The following PTPRD variants were observed in gnomAD, a reference collection of about 807,000 sequenced individuals.
PTPRD encodes the protein receptor-type tyrosine-protein phosphatase delta.
A neutral mutation model predicts 214.5 loss-of-function variants in PTPRD; 34 were observed. The ratio of observed to expected loss-of-function variants is 0.16; its 90% CI spans 0.12 to 0.21. PTPRD has a LOEUF of 0.21. PTPRD is among the 10% of genes least tolerant of loss of function. The pLI is 1.00. For missense variants in PTPRD, 2,545 were observed against 2,398.7 expected, an observed-to-expected ratio of 1.06 and a Z score of -1.27; for synonymous variants, 1,128 against 845.7, an observed-to-expected ratio of 1.33 and a Z score of -5.79.
At chr9:9,767,609 A>G (rs1254653157) in intron 5 of PTPRD, among the ~76,000 whole-genome samples, 1 of 152,088 alleles carries the variant, frequency 6.6e-6, no homozygotes, top group Non-Finnish European at 1.5e-5. Flanking sequence ...TAATTATAAG[A>G]ATTTCAATTA....
At chr9:8,757,108 C>T (rs1181079747) in intron 11 of PTPRD, among the ~76,000 whole-genome samples, 1 of 152,176 alleles carries the variant, frequency 6.6e-6, no homozygotes, top group Admixed American at 6.5e-5. Flanking sequence ...TGCCAGTGCA[C>T]TCCAGCGTGG....
At chr9:8,581,942 A>G (rs1357746715) in intron 14 of PTPRD, among the ~76,000 whole-genome samples, 27 of 147,204 alleles carry the variant, frequency 1.8e-4, no homozygotes, top group African/African-American at 5.8e-4. Flanking sequence ...AAAAAAAAAA[A>G]GAGGGAAAAA....
intron 8 of PTPRD, among the ~76,000 whole-genome samples, chr9:9,490,741 G>T (rs150490248): frequency 5.7e-4 from 86 of 151,750 alleles, no homozygotes; most frequent in Middle Eastern, 3.4e-3. Context: ...AAGTAAATGA[G>T]AAAAGAACTT....
chr9:8,832,775 G>T (rs1042410286), intron 11 of PTPRD, among the ~76,000 whole-genome samples: 14 of 146,112 alleles, frequency 9.6e-5, no homozygotes, highest in Non-Finnish European at 1.8e-4. Flanking sequence ...CTAAATTGGA[G>T]TTCTCTCTCT....
At chr9:10,274,491 G>A (rs923262540) in intron 3 of PTPRD, among the ~76,000 whole-genome samples, 4 of 152,134 alleles carry the variant, frequency 2.6e-5, no homozygotes, top group African/African-American at 9.7e-5. Flanking sequence ...TTTGGTTTGC[G>A]CTAGTATGAT....
rs1555347109 is a variant in PTPRD at position 10,438,008 on chromosome 9, C to CATATATATTATATATATATATATATATAT, written c.-599-96992_-599-96991insATATATATATATATATATATAATATATAT. Among the ~76,000 whole-genome samples, 9 of 125,136 alleles carry CATATATATTATATATATATATATATATAT rather than the reference C, an allele frequency of 7.2e-5. 1 individual carries two copies. The highest frequency in any genetic ancestry group is 3.5e-4 in the African/African-American group (9 of 25,940). The allele number at this position is 125,136 out of a possible 152,430, so 82.1% of individuals were successfully genotyped here. ...CTGGACTATCAGCTCCCTAAGTCTA[C>CATATATATTATATATATATATATATATAT]ATATATATATATATATATATAGTGA... On this transcript the variant is annotated intron_variant, in intron 2 of 45. Transcript: ENST00000381196.
chr9:9,060,870 T>G (rs1456181655), intron 10 of PTPRD, among the ~76,000 whole-genome samples: 1 of 152,150 alleles, frequency 6.6e-6, no homozygotes, highest in Non-Finnish European at 1.5e-5. Flanking sequence ...ACAAAACAAA[T>G]TTTTCAGAAT....
intron 10 of PTPRD, among the ~76,000 whole-genome samples, chr9:9,024,495 T>C (rs1336477013): frequency 2.0e-5 from 3 of 151,668 alleles, no homozygotes; most frequent in African/African-American, 4.8e-5. Context: ...ATAATATCTA[T>C]TGCCAAATTA....
chr9:10,064,965 C>G (rs1451559859), intron 3 of PTPRD, among the ~76,000 whole-genome samples: 3 of 151,886 alleles, frequency 2.0e-5, no homozygotes, highest in Admixed American at 1.3e-4. Context: ...AATTTCCAGT[C>G]TATTCAGTCA....
At chr9:10,028,751 G>C (rs1039431226) in intron 4 of PTPRD, among the ~76,000 whole-genome samples, 2 of 152,158 alleles carry the variant, frequency 1.3e-5, no homozygotes, top group African/African-American at 4.8e-5. Flanking sequence ...CTTGGGTGCT[G>C]TTAAAGGCAT....
intron 9 of PTPRD, among the ~76,000 whole-genome samples, chr9:9,249,422 G>C (rs73641273): frequency 3.4e-4 from 51 of 152,164 alleles, no homozygotes; most frequent in African/African-American, 1.2e-3. Context: ...AACACAGCAA[G>C]ATTGTTCTTC....
intron 11 of PTPRD, among the ~76,000 whole-genome samples, chr9:8,824,123 T>C (rs1332319287): frequency 1.3e-5 from 2 of 152,194 alleles, no homozygotes; most frequent in Non-Finnish European, 2.9e-5. Flanking sequence ...TACCTTTTAT[T>C]AGCAAGGTTT....
At chr9:8,774,383 G>C (rs988201125) in intron 11 of PTPRD, among the ~76,000 whole-genome samples, 1 of 152,122 alleles carries the variant, frequency 6.6e-6, no homozygotes, top group African/African-American at 2.4e-5. Flanking sequence ...CAGAAAGGGA[G>C]AAGATTAGAG....
At chr9:8,675,858 C>G (rs1268680158) in intron 12 of PTPRD, among the ~76,000 whole-genome samples, 1 of 152,182 alleles carries the variant, frequency 6.6e-6, no homozygotes, top group African/African-American at 2.4e-5. Flanking sequence ...CTGATACACT[C>G]TTCATAGTGA....
At chr9:10,126,725 T>A (rs1242165378) in intron 3 of PTPRD, among the ~76,000 whole-genome samples, 1 of 152,162 alleles carries the variant, frequency 6.6e-6, no homozygotes, top group Admixed American at 6.6e-5. Flanking sequence ...AAGGGCCTGC[T>A]GACAGGGATG....
chr9:9,658,636 C>T (rs1010202146), intron 7 of PTPRD, among the ~76,000 whole-genome samples: 2 of 152,056 alleles, frequency 1.3e-5, no homozygotes, highest in South Asian at 2.1e-4. Context: ...AGGTTATATG[C>T]TATGAAAATT....
At chr9:9,629,668 C>T (rs1326760) in intron 7 of PTPRD, among the ~76,000 whole-genome samples, 21,407 of 152,052 alleles carry the variant, frequency 0.14, 2,010 homozygotes, top group African/African-American at 0.27. Context: ...AACAAACTAC[C>T]TGTTGCTGTC....
chr9:9,886,987 C>T (rs1463207858), intron 5 of PTPRD, among the ~76,000 whole-genome samples: 2 of 152,050 alleles, frequency 1.3e-5, no homozygotes, highest in African/African-American at 2.4e-5. Context: ...CTCCCAAATT[C>T]CTGATCCACA....
At chr9:10,247,376 T>G (rs2092271679) in intron 3 of PTPRD, among the ~76,000 whole-genome samples, 1 of 152,220 alleles carries the variant, frequency 6.6e-6, no homozygotes, top group Admixed American at 6.5e-5. Flanking sequence ...AGATCCCTAT[T>G]AAAGCTTTAT....
Sources: allele counts gnomAD v4.1 joint callset (sites outside exome capture counted in the v4.1 genomes callset), GRCh38; gene constraint gnomAD v4.1.1; transcripts MANE v1.5; gene names NCBI Gene and HGNC (gene_info 2026-07-23, HGNC 2026-07-21).